ALK: variants seen among roughly 807,000 people sequenced by gnomAD.
ALK encodes ALK tyrosine kinase receptor.
Under a neutral mutation model 163.1 loss-of-function variants are expected in ALK, and 74 were observed. The ratio of observed to expected loss-of-function variants is 0.45; its 90% CI spans 0.38 to 0.55. The LOEUF (loss-of-function observed/expected upper bound fraction) is 0.55, where lower values mean the gene tolerates loss of function less well. Ranked by LOEUF, ALK falls within the 20% of genes least tolerant of loss-of-function variation. The pLI, the probability that ALK is intolerant of heterozygous loss-of-function variation, is 0.00. For missense variants in ALK, 2,063 were observed against 2,105.3 expected, an observed-to-expected ratio of 0.98 and a Z score of 0.39; for synonymous variants, 960 against 843.2, an observed-to-expected ratio of 1.14 and a Z score of -2.40.
chr2:29,637,708 C>CAAAAAAAAAAAAAA (rs1573518061), intron 3 of ALK, among the ~76,000 whole-genome samples: 1 of 13,818 alleles, frequency 7.2e-5, no homozygotes, highest in African/African-American at 6.4e-4. Flanking sequence ...GACTCCGTCT[C>CAAAAAAAAAAAAAA]CAAAAAAAAA....
At chr2:29,800,478 G>A (rs780458356) in intron 1 of ALK, among the ~76,000 whole-genome samples, 3 of 152,210 alleles carry the variant, frequency 2.0e-5, no homozygotes, top group Non-Finnish European at 2.9e-5. Flanking sequence ...CTATGCAGAG[G>A]ATAATTCCTT....
intron 3 of ALK, among the ~76,000 whole-genome samples, chr2:29,543,999 C>T (rs1332005947): frequency 6.6e-6 from 1 of 152,150 alleles, no homozygotes. Flanking sequence ...ATTTCCATCT[C>T]AATCAATCAA....
At chr2:29,788,701 C>A (rs1324430871) in intron 1 of ALK, among the ~76,000 whole-genome samples, 1 of 152,178 alleles carries the variant, frequency 6.6e-6, no homozygotes, top group Non-Finnish European at 1.5e-5. Flanking sequence ...AGAGCTTCTG[C>A]AGCTGTAGGA....
chr2:29,286,534 G>A (rs1432070072), intron 9 of ALK: 6 of 152,212 alleles, frequency 3.9e-5, no homozygotes, highest in South Asian at 4.2e-4. Flanking sequence ...AAAAAAATAC[G>A]TTTTCCAGGT....
At chr2:29,799,405 A>G (rs958667599) in intron 1 of ALK, among the ~76,000 whole-genome samples, 1 of 152,166 alleles carries the variant, frequency 6.6e-6, no homozygotes, top group African/African-American at 2.4e-5. Context: ...AGTGGCTCAC[A>G]CCTATAATCT....
intron 1 of ALK, among the ~76,000 whole-genome samples, chr2:29,872,042 A>T (rs1442813455): frequency 2.0e-5 from 3 of 152,204 alleles, no homozygotes; most frequent in African/African-American, 7.2e-5. Context: ...ATCTCATGGC[A>T]TGCTGGACAC....
chr2:29,261,600 T>G (rs999154265), intron 11 of ALK, among the ~76,000 whole-genome samples: 2 of 152,176 alleles, frequency 1.3e-5, no homozygotes, highest in Non-Finnish European at 2.9e-5. Flanking sequence ...ATGACCATGG[T>G]CTAGAACCTG....
chr2:29,823,585 G>C (rs1394875551), intron 1 of ALK, among the ~76,000 whole-genome samples: 1 of 152,178 alleles, frequency 6.6e-6, no homozygotes, highest in Non-Finnish European at 1.5e-5. Flanking sequence ...CTGCAGCAAA[G>C]GTGACTCTTG....
At chr2:29,487,699 A>C (rs778163667) in intron 4 of ALK, among the ~76,000 whole-genome samples, 12 of 152,286 alleles carry the variant, frequency 7.9e-5, no homozygotes, top group Non-Finnish European at 1.3e-4. Context: ...AGGAGAAGAC[A>C]TTTATTCAAT....
intron 3 of ALK, among the ~76,000 whole-genome samples, chr2:29,616,096 A>T (rs757274727): frequency 6.6e-6 from 1 of 152,172 alleles, no homozygotes; most frequent in Non-Finnish European, 1.5e-5. Flanking sequence ...TCTACAGCGG[A>T]CCTCACGGAG....
chr2:29,690,533 T>C (rs866305946), intron 3 of ALK, among the ~76,000 whole-genome samples: 4 of 152,204 alleles, frequency 2.6e-5, no homozygotes, highest in Non-Finnish European at 4.4e-5. Flanking sequence ...CCTTTGACTA[T>C]ATTCCAAAAC....
chr2:29,694,168 CACAATTTA>C (rs1678485254), intron 3 of ALK, among the ~76,000 whole-genome samples: 2 of 152,316 alleles, frequency 1.3e-5, no homozygotes, highest in East Asian at 1.9e-4. Flanking sequence ...AGAAACTCAG[CACAATTTA>C]ACAATTTAAC....
rs1398822511 is a variant in ALK at position 29,750,697 on chromosome 2, AAGGC to A, written c.668-33004_668-33001del. ...GAAGGAAGGAAGGAAGGAAGGAAGGAAGGCAGGCAGGCAGGAAGGAAGGAAGGAA... is the reference window on the plus strand; with the variant it reads ...GAAGGAAGGAAGGAAGGAAGGAAGGAAGGCAGGCAGGAAGGAAGGAAGGAA... On this transcript the variant is annotated intron_variant, in intron 1 of 28. Coordinates refer to ENST00000389048, the MANE Select transcript of ALK (RefSeq NM_004304.5). Among the ~76,000 whole-genome samples the A allele has an allele frequency of 1.5e-3, 131 of 84,626 alleles. 1 individual carries two copies. The highest frequency in any genetic ancestry group is 2.1e-3 in the Admixed American group (16 of 7,552). 55.5% of individuals were successfully genotyped at this position (84,626 alleles called of 152,430 possible). A position where few individuals can be genotyped will look rare whatever the true frequency, so the allele number is the denominator to read the frequency against.
chr2:29,380,159 G>A (rs1373263572), intron 5 of ALK, among the ~76,000 whole-genome samples: 5 of 150,322 alleles, frequency 3.3e-5, no homozygotes, highest in African/African-American at 1.2e-4. Context: ...AGGCTGGAGT[G>A]CACTGGCACG....
intron 5 of ALK, among the ~76,000 whole-genome samples, chr2:29,340,826 G>A (rs1667768294): frequency 6.6e-6 from 1 of 152,128 alleles, no homozygotes; most frequent in Non-Finnish European, 1.5e-5. Context: ...TTCCCTGGTG[G>A]CTTTATCTAA....
Position 29,193,521 on chromosome 2 carries a change from T to C in ALK, c.4566A>G (p.Ile1522Met), listed in dbSNP as rs902642850. 2 of 1,614,196 alleles carry C rather than the reference T, an allele frequency of 1.2e-6. No homozygotes were observed. The highest frequency in any genetic ancestry group is 2.2e-5 in the East Asian group (1 of 44,890). ...TEKPTKKNNP[I>M]AKKEPHDRGN... Reference sequence around the variant, plus strand: ...CCCTGTCGTGTGGCTCCTTCTTTGCTATAGGATTATTCTTTTTGGTGGGTT... The same window carrying C: ...CCCTGTCGTGTGGCTCCTTCTTTGCCATAGGATTATTCTTTTTGGTGGGTT... The change falls in exon 29 of 29, where the codon ATA becomes ATG. Residue 1522 changes from isoleucine (I) to methionine (M), a missense_variant. By Grantham distance (10) the Ile-to-Met change is conservative. Transcript: ENST00000389048.
At chr2:29,427,374 A>G (rs1035404815) in intron 4 of ALK, among the ~76,000 whole-genome samples, 2 of 152,140 alleles carry the variant, frequency 1.3e-5, no homozygotes, top group African/African-American at 4.8e-5. Flanking sequence ...TATAACATGT[A>G]TAGTTGTAAT....
intron 26 of ALK, among the ~76,000 whole-genome samples, chr2:29,202,382 A>G (rs1030377439): frequency 5.3e-5 from 8 of 152,212 alleles, no homozygotes; most frequent in Non-Finnish European, 1.0e-4. Context: ...AAGCATTCCA[A>G]TTGTGAAACA....
intron 1 of ALK, among the ~76,000 whole-genome samples, chr2:29,913,355 A>C (rs1027977185): frequency 1.3e-4 from 20 of 152,230 alleles, no homozygotes; most frequent in African/African-American, 4.6e-4. Flanking sequence ...ATCAAAAAGC[A>C]TACTGAAGAA....
Sources: allele counts gnomAD v4.1 joint callset (sites outside exome capture counted in the v4.1 genomes callset), GRCh38; gene constraint gnomAD v4.1.1; transcripts MANE v1.5; gene names NCBI Gene and HGNC (gene_info 2026-07-23, HGNC 2026-07-21).